The following BICD1 variants were observed in gnomAD, a reference collection of about 807,000 sequenced individuals.
The protein encoded by BICD1 is BICD cargo adaptor 1, also known as protein bicaudal D homolog 1.
Under a neutral mutation model 92.5 loss-of-function variants are expected in BICD1, and 35 were observed. That is an observed-to-expected ratio of 0.38 (90% CI 0.29 to 0.50). The LOEUF is 0.50. Among genes scored for constraint, BICD1 ranks in the 20% least tolerant of loss-of-function variants. The probability of loss-of-function intolerance (pLI) is 0.93; values close to 1 mark genes in which losing one functional copy is unlikely to be tolerated. For synonymous variants in BICD1, 429 were observed against 465.1 expected, an observed-to-expected ratio of 0.92 and a Z score of 1.00; for missense variants, 950 against 1,189.8, an observed-to-expected ratio of 0.80 and a Z score of 2.97.
chr12:32,189,037 AT>A (rs1944495168), intron 1 of BICD1, among the ~76,000 whole-genome samples: 1 of 152,146 alleles, frequency 6.6e-6, no homozygotes, highest in African/African-American at 2.4e-5. Context: ...TCTCTCTTTA[AT>A]TTTAACTAAG....
intron 2 of BICD1, among the ~76,000 whole-genome samples, chr12:32,227,077 G>A (rs77178259): frequency 0.092 from 13,983 of 152,214 alleles, 959 homozygotes; most frequent in East Asian, 0.32. Flanking sequence ...GACTGTGAAG[G>A]AGGAGGTGGC....
At chr12:32,371,909 G>A (rs940453941) in intron 9 of BICD1, among the ~76,000 whole-genome samples, 8 of 152,090 alleles carry the variant, frequency 5.3e-5, no homozygotes, top group Admixed American at 5.2e-4. Context: ...TTTATGTGAC[G>A]AAATTGAGGT....
rs1446123995 is a variant in BICD1, at chr12:32,330,713, A to G, written c.2100+2158A>G. On this transcript the variant is annotated intron_variant, in intron 5 of 9. Coordinates refer to ENST00000652176, the MANE Select transcript of BICD1 (RefSeq NM_001714.4). ...AACTCTGCTATAATTTAAAGACCCA[A>G]TGATTCAGAGTGGTCATAAATAACC... 2.6e-5 allele frequency among the ~76,000 whole-genome samples: 4 copies of G among 152,306 alleles called. No individual in the cohort carries two copies. In the East Asian group the frequency reaches 5.8e-4, roughly 22 times the overall value.
rs1312963555 is a variant in BICD1, at chr12:32,344,650, T to A, written c.2764+5671T>A. On this transcript the variant is annotated intron_variant, in intron 8 of 9. Transcript: ENST00000652176. Reference sequence around the variant, plus strand: ...GTTACATATTTCATCAGCCAGCATGTCCTGTGCACACACGACCTGCTCTTA... The same window carrying A: ...GTTACATATTTCATCAGCCAGCATGACCTGTGCACACACGACCTGCTCTTA... Among the ~76,000 whole-genome samples the A allele has an allele frequency of 4.6e-5, 7 of 152,330 alleles. No individual in the cohort carries two copies. In the South Asian group the frequency reaches 1.5e-3, roughly 32 times the overall value.
At chr12:32,244,874 G>T (rs773214830) in intron 2 of BICD1, among the ~76,000 whole-genome samples, 9 of 152,110 alleles carry the variant, frequency 5.9e-5, no homozygotes, top group Non-Finnish European at 1.2e-4. Context: ...TGATCTGCCT[G>T]CCTTGGCCTC....
intron 2 of BICD1, among the ~76,000 whole-genome samples, chr12:32,236,872 CTTTTTTTTTTTTTT>C (rs57318640): frequency 2.4e-4 from 21 of 89,306 alleles, no homozygotes; most frequent in Admixed American, 7.7e-4. Context: ...AAGTCTAATT[CTTTTTTTTTTTTTT>C]TTTTTTTTTT....
chr12:32,226,396 A>G (rs1945692340), intron 2 of BICD1, among the ~76,000 whole-genome samples: 1 of 152,210 alleles, frequency 6.6e-6, no homozygotes, highest in East Asian at 1.9e-4. Flanking sequence ...GGCCTCCCAA[A>G]GTGCTTGGAT....
At position 32,137,578 on chromosome 12, in the gene BICD1, T is replaced by A. The variant is rs536099554; in HGVS notation, c.213+30034T>A. Among the ~76,000 whole-genome samples, 5 of 152,308 alleles carry A rather than the reference T, an allele frequency of 3.3e-5. No individual in the cohort carries two copies. In the South Asian group the frequency reaches 6.2e-4, roughly 19 times the overall value. On this transcript the variant is annotated intron_variant, in intron 1 of 9. Transcript: ENST00000652176. ...GAGCACTTGACCTTATCTTCTGACA[T>A]CATGTAAAGATTTTGGCATTTAGTG...
intron 1 of BICD1, among the ~76,000 whole-genome samples, chr12:32,199,090 G>A (rs543633139): frequency 1.3e-5 from 2 of 152,048 alleles, no homozygotes; most frequent in Middle Eastern, 3.2e-3. Context: ...GTTGCAGAGA[G>A]GCATAAATAC....
At chr12:32,131,803 G>GC (rs1942555159) in intron 1 of BICD1, among the ~76,000 whole-genome samples, 1 of 152,202 alleles carries the variant, frequency 6.6e-6, no homozygotes, top group Admixed American at 6.5e-5. Context: ...ATTGTTAGGT[G>GC]CCAGGGTACA....
intron 2 of BICD1, among the ~76,000 whole-genome samples, chr12:32,285,083 C>A (rs1947527703): frequency 6.6e-6 from 1 of 152,166 alleles, no homozygotes; most frequent in Non-Finnish European, 1.5e-5. Flanking sequence ...TATAAGGCTA[C>A]TTCTGTTTGA....
Position 32,337,863 on chromosome 12 carries a change from A to G in BICD1, c.2570+47A>G. ...TAGTACGGTGCAGTGGCCAGATTTTAGTTAACTGCAAAAATAAATGTGCTC... is the reference window on the plus strand; with the variant it reads ...TAGTACGGTGCAGTGGCCAGATTTTGGTTAACTGCAAAAATAAATGTGCTC... On this transcript the variant is annotated intron_variant, in intron 7 of 9. Transcript: ENST00000652176. This position sits in a 1 kb window ranked among gnomAD's most constrained non-coding sequence, Gnocchi z 4.7. The G allele has an allele frequency of 6.3e-7, 1 of 1,574,922 alleles. No homozygotes were observed. The highest frequency in any genetic ancestry group is 8.7e-7 in the Non-Finnish European group (1 of 1,146,144).
At chr12:32,333,437 G>A (rs1351148518) in intron 5 of BICD1, among the ~76,000 whole-genome samples, 2 of 152,160 alleles carry the variant, frequency 1.3e-5, no homozygotes, top group Non-Finnish European at 2.9e-5. Flanking sequence ...ATTTAATTAA[G>A]AAAGAATTTA....
At chr12:32,198,006 G>C (rs1944774805) in intron 1 of BICD1, among the ~76,000 whole-genome samples, 2 of 151,992 alleles carry the variant, frequency 1.3e-5, no homozygotes, top group African/African-American at 4.8e-5. Flanking sequence ...GGGAGTTCGA[G>C]ACCAGCCTGA....
intron 2 of BICD1, among the ~76,000 whole-genome samples, chr12:32,278,383 A>G (rs1407104215): frequency 6.6e-6 from 1 of 152,232 alleles, no homozygotes; most frequent in Non-Finnish European, 1.5e-5. Context: ...CAGTCAAGCT[A>G]GTAAGCAAGA....
chr12:32,273,636 G>T (rs537999579), intron 2 of BICD1, among the ~76,000 whole-genome samples: 37 of 152,332 alleles, frequency 2.4e-4, no homozygotes, highest in African/African-American at 8.9e-4. Flanking sequence ...AGTAGAGGGT[G>T]CCTCAAGGCA....
intron 1 of BICD1, among the ~76,000 whole-genome samples, chr12:32,141,929 G>T (rs1942933562): frequency 6.6e-6 from 1 of 152,048 alleles, no homozygotes; most frequent in African/African-American, 2.4e-5. Context: ...AGTAGGTGAC[G>T]AACAAATGTT....
At chr12:32,210,225 A>G (rs1945175425) in intron 1 of BICD1, among the ~76,000 whole-genome samples, 1 of 152,208 alleles carries the variant, frequency 6.6e-6, no homozygotes, top group Non-Finnish European at 1.5e-5. Flanking sequence ...TGAATGAACA[A>G]CAAATGAATG....
At chr12:32,375,657 C>T (rs916307370) in intron 9 of BICD1, among the ~76,000 whole-genome samples, 23 of 152,110 alleles carry the variant, frequency 1.5e-4, no homozygotes, top group Non-Finnish European at 2.9e-4. Context: ...CTTGTCTTAA[C>T]CAGTACAGAA....
Sources: allele counts gnomAD v4.1 joint callset (sites outside exome capture counted in the v4.1 genomes callset), GRCh38; gene constraint gnomAD v4.1.1; non-coding constraint Gnocchi (gnomAD v3.1); transcripts MANE v1.5; gene names NCBI Gene and HGNC (gene_info 2026-07-23, HGNC 2026-07-21).